CDH10: variants seen among roughly 807,000 people sequenced by gnomAD.
CDH10 encodes cadherin-10.
CDH10 carries 30 observed loss-of-function variants against 73.1 expected under a neutral mutation model. The observed-to-expected ratio is 0.41, with a 90% CI of 0.31 to 0.56. The LOEUF (loss-of-function observed/expected upper bound fraction) is 0.56, where lower values mean the gene tolerates loss of function less well. Ranked by LOEUF, CDH10 falls within the 20% of genes least tolerant of loss-of-function variation. The pLI, the probability that CDH10 is intolerant of heterozygous loss-of-function variation, is 0.27. For missense variants in CDH10, 815 were observed against 973.7 expected (o/e 0.84, Z 2.17); for synonymous variants, 345 against 348.2 (o/e 0.99, Z 0.10).
Position 24,498,434 on chromosome 5 carries a change from A to G in CDH10, c.1479T>C (p.Tyr493=). The change falls in exon 9 of 12, where the codon TAT becomes TAC. Residue 493 remains tyrosine (Y), a synonymous_variant. Transcript: ENST00000264463. ...TGGCATTTTCACATACAAAAGTGTCATAGAACACAGCAAACTGTGGGGCAT... is the reference window on the plus strand; with the variant it reads ...TGGCATTTTCACATACAAAAGTGTCGTAGAACACAGCAAACTGTGGGGCAT... ...NDNAPQFAVF[Y]DTFVCENARP... 6.2e-7 allele frequency: 1 copy of G among 1,606,178 alleles called. No individual in the cohort carries two copies. The highest frequency in any genetic ancestry group is 8.5e-7 in the Non-Finnish European group (1 of 1,172,934).
rs56703697 is a variant in CDH10, at chr5:24,603,430, C to T, written c.-123-9817G>A. Among the ~76,000 whole-genome samples, 519 of 152,170 alleles carry T rather than the reference C, an allele frequency of 3.4e-3. 4 individuals are homozygous for T. The highest frequency in any genetic ancestry group is 0.012 in the African/African-American group (485 of 41,518). On this transcript the variant is annotated intron_variant, in intron 1 of 11. Transcript: ENST00000264463. ...AACAACCTTTGTGAAGACAGATACA[C>T]AAATCTTCACCAAAATATTAGCAAG... is the stretch of plus-strand genomic sequence containing the variant.
At position 24,537,562 on chromosome 5, in the gene CDH10, C is replaced by A. The variant is rs780636248; in HGVS notation, c.344G>T (p.Arg115Met). ...GGCCTTTTCCTCCCTATCAATTCGC[C>A]TTGTGGCATGAATATCACCTGTTTT... ...DEKTGDIHATRRIDREEKAFY... is the reference protein window; with the variant it reads ...DEKTGDIHATMRIDREEKAFY... The change falls in exon 3 of 12, where the codon AGG (arginine) becomes ATG (methionine). Residue 115 changes from arginine to methionine, a missense_variant. This residue lies in a region of CDH10 where 516 missense variants were observed against 636.6 expected (regional missense o/e 0.81). Transcript: ENST00000264463. The A allele has an allele frequency of 6.2e-7, 1 of 1,612,998 alleles. No homozygotes were observed.
At chr5:24,624,460 A>G (rs1183419938) in intron 1 of CDH10, among the ~76,000 whole-genome samples, 1 of 152,258 alleles carries the variant, frequency 6.6e-6, no homozygotes, top group East Asian at 1.9e-4. Flanking sequence ...ATGTAAAGAG[A>G]CTAATGATGA....
At chr5:24,582,430 A>G (rs1041173362) in intron 2 of CDH10, among the ~76,000 whole-genome samples, 2 of 152,138 alleles carry the variant, frequency 1.3e-5, no homozygotes, top group African/African-American at 4.8e-5. Context: ...ATAAAGAAAA[A>G]CAGACACTAT....
In CDH10 at chr5:24,535,628, T is replaced by A. The variant is rs1057188346; in HGVS notation, c.646+75A>T. 123 of 1,337,206 alleles carry A rather than the reference T, an allele frequency of 9.2e-5. 1 individual carries two copies. The highest frequency in any genetic ancestry group is 3.8e-4 in the Middle Eastern group (2 of 5,280). The allele number at this position is 1,337,206 out of a possible 1,614,324, so 82.8% of individuals were successfully genotyped here. A position where few individuals can be genotyped will look rare whatever the true frequency, so the allele number is the denominator to read the frequency against. ...TATTAATGTTAAGGTTTTGTTCTTA[T>A]TCTCCCATGGTCTTTCTACTGATAA... On this transcript the variant is annotated intron_variant, in intron 4 of 11. Coordinates refer to ENST00000264463, the MANE Select transcript of CDH10 (RefSeq NM_006727.5).
chr5:24,546,750 G>A (rs1579789289), intron 2 of CDH10, among the ~76,000 whole-genome samples: 1 of 152,002 alleles, frequency 6.6e-6, no homozygotes, highest in East Asian at 1.9e-4. Context: ...TAAAAGTATA[G>A]TTATTTGAAA....
At chr5:24,578,745 G>T (rs906063204) in intron 2 of CDH10, among the ~76,000 whole-genome samples, 3 of 152,020 alleles carry the variant, frequency 2.0e-5, no homozygotes, top group African/African-American at 7.3e-5. Context: ...AATGAATTCT[G>T]TCTACCATTC....
chr5:24,622,849 C>T (rs1195540967), intron 1 of CDH10, among the ~76,000 whole-genome samples: 1 of 152,102 alleles, frequency 6.6e-6, no homozygotes, highest in East Asian at 1.9e-4. Flanking sequence ...ATAAAATCTT[C>T]ACTTAGTATC....
At chr5:24,562,590 A>G (rs1184280440) in intron 2 of CDH10, among the ~76,000 whole-genome samples, 2 of 152,164 alleles carry the variant, frequency 1.3e-5, no homozygotes, top group Non-Finnish European at 2.9e-5. Context: ...TTATTTCACT[A>G]TAAGCCACTG....
At chr5:24,612,918 T>C (rs1746996476) in intron 1 of CDH10, 1 of 152,158 alleles carries the variant, frequency 6.6e-6, no homozygotes, top group South Asian at 2.1e-4. Context: ...AAAAGATGAC[T>C]AGACTTCTTC....
intron 2 of CDH10, among the ~76,000 whole-genome samples, chr5:24,585,589 A>T (rs1745964445): frequency 6.6e-6 from 1 of 152,056 alleles, no homozygotes; most frequent in South Asian, 2.1e-4. Context: ...CGCCCAGCTA[A>T]TTTTTTGTAT....
chr5:24,534,900 C>T (rs1234471183), intron 5 of CDH10, among the ~76,000 whole-genome samples: 1 of 151,988 alleles, frequency 6.6e-6, no homozygotes, highest in African/African-American at 2.4e-5. Context: ...CTTCCTGTCT[C>T]TGAGTGAAAT....
In CDH10 at chr5:24,487,429, A is replaced by G. The variant is rs928788955; in HGVS notation, c.*234T>C. On this transcript the variant is annotated 3_prime_UTR_variant, in exon 12 of 12. Transcript: ENST00000264463. ...TATCTTTTATTTACTAAGATGGACA[A>G]CACTGTATTTCCATAGCTTTGGCTC... 2 of 445,092 alleles carry G rather than the reference A, an allele frequency of 4.5e-6. No individual in the cohort carries two copies. The highest frequency in any genetic ancestry group is 7.5e-5 in the Admixed American group (2 of 26,622). 27.6% of individuals were successfully genotyped at this position (445,092 alleles called of 1,614,324 possible).
At chr5:24,609,323 G>C (rs961051021) in intron 1 of CDH10, among the ~76,000 whole-genome samples, 9 of 152,122 alleles carry the variant, frequency 5.9e-5, no homozygotes, top group African/African-American at 1.9e-4. Flanking sequence ...ACGATAGTTG[G>C]GGGGAGGTTA....
At chr5:24,552,633 T>C (rs747085475) in intron 2 of CDH10, among the ~76,000 whole-genome samples, 3 of 152,114 alleles carry the variant, frequency 2.0e-5, no homozygotes, top group African/African-American at 7.2e-5. Context: ...GTTGACTCTA[T>C]AATACATAGA....
At chr5:24,543,570 T>C (rs966279265) in intron 2 of CDH10, among the ~76,000 whole-genome samples, 1 of 152,142 alleles carries the variant, frequency 6.6e-6, no homozygotes. Flanking sequence ...AAATGTAGAA[T>C]GTGGCAAATA....
intron 11 of CDH10, among the ~76,000 whole-genome samples, 174 bp from the exon 12 acceptor site, chr5:24,488,327 T>C (rs889997084): frequency 3.9e-5 from 6 of 152,066 alleles, no homozygotes; most frequent in Non-Finnish European, 7.4e-5. Flanking sequence ...CGCTGAAGGG[T>C]TTAGCAAGGG....
chr5:24,498,504 G>C lies in CDH10; in HGVS notation c.1409C>G (p.Thr470Arg), dbSNP rs145457868. Residue 470 changes from threonine to arginine, a missense_variant, in exon 9 of 12, where the codon ACA becomes AGA. Around this residue, in one of 3 missense-constraint regions of CDH10, gnomAD observed 516 missense variants for 636.6 expected, o/e 0.81. Transcript: ENST00000264463. ...IAAEINNPKE[T>R]TRVAVFVRIL... ...TCTCACAAAAACAGCCACGCGTGTT[G>C]TCTCTTTGGGATTGTCTGGAAAAGG... The C allele has an allele frequency of 1.2e-6, 2 of 1,601,828 alleles. No individual in the cohort carries two copies. Among genetic ancestry groups the C allele is most frequent in the Non-Finnish European group, 1.7e-6 (2 of 1,169,352 alleles).
intron 1 of CDH10, among the ~76,000 whole-genome samples, chr5:24,599,540 T>C (rs1746490464): frequency 6.6e-6 from 1 of 152,194 alleles, no homozygotes. Context: ...CTATGCACTT[T>C]AGTGTGTTCA....
Sources: gnomAD v4.1 joint callset for allele counts (sites outside exome capture counted in the v4.1 genomes callset) on GRCh38, gnomAD v4.1.1 for gene constraint, gnomAD v4.1.1 regional missense constraint, MANE v1.5 for transcripts, NCBI Gene and HGNC (gene_info 2026-07-23, HGNC 2026-07-21) for gene names.